DIP2C: variants seen among roughly 807,000 people sequenced by gnomAD.
DIP2C encodes DIP2 acetate--CoA ligase C (putative).
DIP2C carries 33 observed loss-of-function variants against 192.4 expected under a neutral mutation model. The ratio of observed to expected loss-of-function variants is 0.17; its 90% CI spans 0.13 to 0.23. The LOEUF (loss-of-function observed/expected upper bound fraction) is 0.23. DIP2C is among the 10% of genes least tolerant of loss of function. DIP2C has a pLI of 1.00. For synonymous variants in DIP2C, 979 were observed against 864.1 expected, an observed-to-expected ratio of 1.13 and a Z score of -2.33; for missense variants, 1,537 against 2,110.1, an observed-to-expected ratio of 0.73 and a Z score of 5.32.
intron 5 of DIP2C, among the ~76,000 whole-genome samples, chr10:422,494 G>C (rs576505144): frequency 6.6e-6 from 1 of 152,024 alleles, no homozygotes; most frequent in African/African-American, 2.4e-5. Context: ...TGACTCCCAC[G>C]GTCAGGACGA....
chr10:297,247 C>T (rs1260365703), intron 32 of DIP2C, among the ~76,000 whole-genome samples: 2 of 142,700 alleles, frequency 1.4e-5, no homozygotes, highest in African/African-American at 5.3e-5. Context: ...CACATACACA[C>T]ACACACACAC....
intron 1 of DIP2C, among the ~76,000 whole-genome samples, chr10:581,812 T>C (rs1041209931): frequency 1.3e-5 from 2 of 152,112 alleles, no homozygotes; most frequent in Non-Finnish European, 2.9e-5. Context: ...TTTCAAAATC[T>C]AATCCTCTCC....
intron 1 of DIP2C, among the ~76,000 whole-genome samples, chr10:574,395 G>C (rs888011800): frequency 6.6e-6 from 1 of 152,198 alleles, no homozygotes; most frequent in Non-Finnish European, 1.5e-5. Flanking sequence ...AGTAGAATAT[G>C]CTTTGGAAAG....
chr10:374,806 T>C (rs529399223), intron 17 of DIP2C, among the ~76,000 whole-genome samples: 5 of 152,172 alleles, frequency 3.3e-5, no homozygotes, highest in East Asian at 1.9e-4. Flanking sequence ...ACAGTCCCCA[T>C]AGGCAGAATT....
intron 1 of DIP2C, among the ~76,000 whole-genome samples, chr10:544,103 C>G (rs550302576): frequency 6.6e-6 from 1 of 152,102 alleles, no homozygotes; most frequent in Non-Finnish European, 1.5e-5. Context: ...TTTGGTACTG[C>G]CATCTTTCAC....
At chr10:572,292 TTC>T (rs1849872506) in intron 1 of DIP2C, among the ~76,000 whole-genome samples, 2 of 152,238 alleles carry the variant, frequency 1.3e-5, no homozygotes. Flanking sequence ...ACCACATCTC[TTC>T]TCTCAGCCTC....
intron 24 of DIP2C, among the ~76,000 whole-genome samples, chr10:355,753 C>G (rs975254120): frequency 4.6e-5 from 7 of 152,128 alleles, no homozygotes; most frequent in Admixed American, 4.6e-4. Flanking sequence ...ATTCCTGAGT[C>G]TGCAATAAAC....
chr10:662,991 C>A (rs781111465), intron 1 of DIP2C: 1 of 713,636 alleles, frequency 1.4e-6, no homozygotes, highest in Non-Finnish European at 2.6e-6. Context: ...TTTATCTGAA[C>A]GTCACACAAA....
intron 1 of DIP2C, among the ~76,000 whole-genome samples, chr10:645,915 G>C (rs932562091): frequency 1.3e-5 from 2 of 152,076 alleles, no homozygotes; most frequent in African/African-American, 4.8e-5. Flanking sequence ...CCCGACCTCT[G>C]ATTTTATCTT....
At chr10:379,007 C>T (rs1235662832) in intron 17 of DIP2C, among the ~76,000 whole-genome samples, 1 of 152,082 alleles carries the variant, frequency 6.6e-6, no homozygotes, top group Admixed American at 6.5e-5. Context: ...AAAATGAGTG[C>T]TGGTCATTCT....
chr10:435,929 T>C (rs1416477836), intron 4 of DIP2C, among the ~76,000 whole-genome samples: 1 of 152,158 alleles, frequency 6.6e-6, no homozygotes, highest in African/African-American at 2.4e-5. Flanking sequence ...GAGAATCCTA[T>C]ATAGAACTTT....
chr10:602,604 G>A (rs1480455630), intron 1 of DIP2C, among the ~76,000 whole-genome samples: 1 of 152,208 alleles, frequency 6.6e-6, no homozygotes, highest in African/African-American at 2.4e-5. Flanking sequence ...CACCAGATCT[G>A]CAGGCACCTT....
At chr10:422,383 T>C (rs1966251903) in intron 5 of DIP2C, among the ~76,000 whole-genome samples, 1 of 152,178 alleles carries the variant, frequency 6.6e-6, no homozygotes, top group African/African-American at 2.4e-5. Context: ...CTCCCTGTCA[T>C]AGAACCTACA....
At chr10:328,348 G>GGTT (rs1957363629) in intron 30 of DIP2C, among the ~76,000 whole-genome samples, 1 of 152,208 alleles carries the variant, frequency 6.6e-6, no homozygotes, top group Non-Finnish European at 1.5e-5. Flanking sequence ...TTCAGCCTAA[G>GGTT]AACCTGGAAA....
intron 19 of DIP2C, among the ~76,000 whole-genome samples, chr10:365,376 A>AT (rs572532801): frequency 3.3e-5 from 5 of 150,930 alleles, no homozygotes; most frequent in South Asian, 2.1e-4. Flanking sequence ...GTACACAAGA[A>AT]TTTTTTTTTT....
chr10:487,234 A>T (rs1844078518), intron 1 of DIP2C, among the ~76,000 whole-genome samples: 1 of 152,222 alleles, frequency 6.6e-6, no homozygotes, highest in African/African-American at 2.4e-5. Flanking sequence ...CAGCACACAC[A>T]GAATACTCAT....
chr10:643,098 G>C (rs1855281615), intron 1 of DIP2C, among the ~76,000 whole-genome samples: 1 of 152,144 alleles, frequency 6.6e-6, no homozygotes, highest in African/African-American at 2.4e-5. Flanking sequence ...CAGCTACTTG[G>C]GGGCTGAGGC....
intron 1 of DIP2C, among the ~76,000 whole-genome samples, chr10:603,659 G>A (rs997696692): frequency 5.9e-5 from 9 of 152,140 alleles, no homozygotes; most frequent in Non-Finnish European, 1.3e-4. Flanking sequence ...TTATAATTTA[G>A]GGCACACAAA....
intron 1 of DIP2C, among the ~76,000 whole-genome samples, chr10:646,067 A>C (rs1158287052): frequency 6.6e-6 from 1 of 152,242 alleles, no homozygotes; most frequent in Non-Finnish European, 1.5e-5. Flanking sequence ...TGTTCTGAGA[A>C]GAGCAGGGGC....
Sources: allele counts gnomAD v4.1 joint callset (sites outside exome capture counted in the v4.1 genomes callset), GRCh38; gene constraint gnomAD v4.1.1; transcripts MANE v1.5; gene names NCBI Gene and HGNC (gene_info 2026-07-23, HGNC 2026-07-21).